KIF22: variants seen among roughly 807,000 people sequenced by gnomAD.
The protein encoded by KIF22 is kinesin-like protein KIF22.
In KIF22, 62 loss-of-function variants were observed where a neutral mutation model predicts 73.0. That is an observed-to-expected ratio of 0.85 (90% CI 0.69 to 1.05). KIF22 has a LOEUF of 1.05. Among genes scored for constraint, KIF22 ranks in the 50% least tolerant of loss-of-function variants. The pLI is 0.00. For missense variants in KIF22, 854 were observed against 870.1 expected (o/e 0.98, Z 0.23); for synonymous variants, 411 against 340.1 (o/e 1.21, Z -2.29).
At chr16:29,803,692 C>A in intron 10 of KIF22, 84 bp downstream of exon 10, 2 of 1,131,492 alleles carry the variant, frequency 1.8e-6, no homozygotes, top group South Asian at 1.4e-5. Flanking sequence ...GTCTCCATGT[C>A]ATTCATATTC....
chr16:29,804,117 A>AC, intron 11 of KIF22, 52 bp downstream of exon 11: 1 of 1,436,478 alleles, frequency 7.0e-7, no homozygotes, highest in Admixed American at 1.7e-5. Flanking sequence ...AGTAAGGGGG[A>AC]GTAGGCTCTA....
chr16:29,799,495 G>A lies in KIF22; in HGVS notation c.990+1G>A, dbSNP rs1445962253. 1 of 1,613,944 alleles carries A rather than the reference G, an allele frequency of 6.2e-7. No homozygotes were observed. The highest frequency in any genetic ancestry group is 8.5e-7 in the Non-Finnish European group (1 of 1,179,966). Reference sequence around the variant, plus strand: ...CAGCAAGCTCACTCGCCTATTGCAGGTCAGGCCCACCTGTCTCAGGGAAGA... The same window carrying A: ...CAGCAAGCTCACTCGCCTATTGCAGATCAGGCCCACCTGTCTCAGGGAAGA... On this transcript the variant is annotated splice_donor_variant, in intron 6 of 13. Coordinates refer to ENST00000160827, the MANE Select transcript of KIF22 (RefSeq NM_007317.3). LOFTEE classifies it high-confidence loss of function.
At position 29,798,286 on chromosome 16, in the gene KIF22, T is replaced by TGG; in HGVS notation, c.267-88_267-87insGG. 2 of 1,485,600 alleles carry TGG rather than the reference T, an allele frequency of 1.3e-6. No homozygotes were observed. The highest frequency in any genetic ancestry group is 1.8e-6 in the Non-Finnish European group (2 of 1,104,264). 92.0% of individuals were successfully genotyped at this position (1,485,600 alleles called of 1,614,324 possible). On this transcript the variant is annotated intron_variant, in intron 2 of 13. Coordinates refer to ENST00000160827, the MANE Select transcript of KIF22 (RefSeq NM_007317.3). This position sits in a 1 kb window ranked among gnomAD's most constrained non-coding sequence, Gnocchi z 4.1. ...AGGTCCAGATGAGAGTAGAATCCCT[T>TGG]ACCCACCCCCACCCCACTCCACCCC...
At position 29,793,310 on chromosome 16, in the gene KIF22, T is replaced by C. The variant is rs1035911066; in HGVS notation, c.70+2481T>C. Among the ~76,000 whole-genome samples, 4 of 152,182 alleles carry C rather than the reference T, an allele frequency of 2.6e-5. No homozygotes were observed. In the East Asian group the frequency reaches 7.7e-4, roughly 29 times the overall value. On this transcript the variant is annotated intron_variant, in intron 1 of 13. Coordinates refer to ENST00000160827, the MANE Select transcript of KIF22 (RefSeq NM_007317.3). Reference sequence around the variant, plus strand: ...CAAAAATTAGCTGGGCGTGGTGGCGTGCACCTGTAGTCCCAGCTATTCGGG... The same window carrying C: ...CAAAAATTAGCTGGGCGTGGTGGCGCGCACCTGTAGTCCCAGCTATTCGGG...
chr16:29,805,044 TGG>T lies in KIF22; in HGVS notation c.1890+22_1890+23del. 1 of 653,050 alleles carries T rather than the reference TGG, an allele frequency of 1.5e-6. No homozygotes were observed. Among genetic ancestry groups the T allele is most frequent in the Admixed American group, 1.9e-5 (1 of 51,660 alleles). The allele number at this position is 653,050 out of a possible 1,614,324, so 40.5% of individuals were successfully genotyped here. On this transcript the variant is annotated intron_variant, in intron 12 of 13. Transcript: ENST00000160827. ...TCAGCCAGGTAGCAGCCCACTGGAC[TGG>T]GGGAGGGCGGGGGCGGGGGAGACCG...
Position 29,798,423 on chromosome 16 carries a change from G to C in KIF22, c.316G>C (p.Gly106Arg). The change falls in exon 3 of 14, where the codon GGT becomes CGT. Residue 106 changes from glycine to arginine, a missense_variant. Transcript: ENST00000160827. This position sits in a 1 kb window ranked among gnomAD's most constrained non-coding sequence, Gnocchi z 4.1. ...GAGTACTCAGCAGGACATCTATGCAGGTTCAGTGCAGCCCATCCTAAGGCA... is the reference window on the plus strand; with the variant it reads ...GAGTACTCAGCAGGACATCTATGCACGTTCAGTGCAGCCCATCCTAAGGCA... ...ERSTQQDIYA[G>R]SVQPILRHLL... The C allele has an allele frequency of 6.2e-7, 1 of 1,613,860 alleles. No individual in the cohort carries two copies.
chr16:29,795,922 G>A (rs972773235), intron 1 of KIF22, among the ~76,000 whole-genome samples: 3 of 152,004 alleles, frequency 2.0e-5, no homozygotes, highest in Non-Finnish European at 4.4e-5. Flanking sequence ...TGCAGGGGTG[G>A]GTGGGTCTGT....
chr16:29,800,457 CAAAGT>C (rs1159882366), intron 8 of KIF22, among the ~76,000 whole-genome samples: 1 of 151,702 alleles, frequency 6.6e-6, no homozygotes, highest in African/African-American at 2.4e-5. Flanking sequence ...GACTCCGTCT[CAAAGT>C]AAATAAGTGA....
rs1899003858 is a variant in KIF22 at position 29,798,303 on chromosome 16, C to G, written c.267-71C>G. ...GAATCCCTTACCCACCCCCACCCCACTCCACCCCTTACACACACACACACA... is the reference window on the plus strand; with the variant it reads ...GAATCCCTTACCCACCCCCACCCCAGTCCACCCCTTACACACACACACACA... On this transcript the variant is annotated intron_variant, in intron 2 of 13. Coordinates refer to ENST00000160827, the MANE Select transcript of KIF22 (RefSeq NM_007317.3). This position sits in a 1 kb window ranked among gnomAD's most constrained non-coding sequence, Gnocchi z 4.1. The G allele has an allele frequency of 1.4e-6, 2 of 1,402,084 alleles. No individual in the cohort carries two copies. The highest frequency in any genetic ancestry group is 6.4e-5 in the East Asian group (2 of 31,042). 86.9% of individuals were successfully genotyped at this position (1,402,084 alleles called of 1,614,324 possible). A position where few individuals can be genotyped will look rare whatever the true frequency, so the allele number is the denominator to read the frequency against.
Position 29,805,136 on chromosome 16 carries a change from G to C in KIF22, c.1912G>C (p.Glu638Gln). The C allele has an allele frequency of 1.2e-6, 2 of 1,613,896 alleles. No individual in the cohort carries two copies. The highest frequency in any genetic ancestry group is 1.7e-6 in the Non-Finnish European group (2 of 1,180,018). The change falls in exon 13 of 14, where the codon GAG becomes CAG. Residue 638 changes from glutamate (E) to glutamine (Q), a missense_variant. Transcript: ENST00000160827. ...FSQVEDLERVEGITGKQMESF... is the reference protein window; with the variant it reads ...FSQVEDLERVQGITGKQMESF... ...CCAGGTGGAGGACCTGGAACGCGTG[G>C]AGGGCATAACGGGGAAACAGATGGA... is the stretch of plus-strand genomic sequence containing the variant.
At position 29,804,896 on chromosome 16, in the gene KIF22, A is replaced by T. The variant is rs749158788; in HGVS notation, c.1760A>T (p.His587Leu). The T allele has an allele frequency of 1.2e-6, 2 of 1,613,878 alleles. No homozygotes were observed. The highest frequency in any genetic ancestry group is 1.7e-5 in the Admixed American group (1 of 60,026). Residue 587 changes from histidine to leucine, a missense_variant, in exon 12 of 14, where the codon CAT becomes CTT. Physicochemically the swap from His to Leu is moderately conservative, Grantham distance 99 (BLOSUM62 -3). Transcript: ENST00000160827. ...CAGATCAGCCCGGAGCTACTGGCTCATGGGCGCCAAAAAATACTGGATCTG... is the reference window on the plus strand; with the variant it reads ...CAGATCAGCCCGGAGCTACTGGCTCTTGGGCGCCAAAAAATACTGGATCTG... ...ELQISPELLA[H>L]GRQKILDLLN... is the part of the protein sequence containing the mutation.
At chr16:29,800,271 C>T (rs1005408937) in intron 8 of KIF22, 2 of 426,852 alleles carry the variant, frequency 4.7e-6, no homozygotes, top group Non-Finnish European at 8.4e-6. Context: ...GCCTGGCCAA[C>T]ATGGTGAAAC....
chr16:29,799,586 G>A, intron 6 of KIF22, 42 bp from the exon 7 acceptor site: 1 of 1,613,198 alleles, frequency 6.2e-7, no homozygotes. Flanking sequence ...GGCATAGGAA[G>A]GCTGGGCTTC....
At chr16:29,800,203 C>A (rs765783895) in intron 8 of KIF22, 155 bp downstream of exon 8, 3 of 867,406 alleles carry the variant, frequency 3.5e-6, no homozygotes, top group Non-Finnish European at 5.1e-6. Flanking sequence ...TCCTGTAACC[C>A]CAGCACTTTG....
chr16:29,794,524 T>C (rs1420524838), intron 1 of KIF22, among the ~76,000 whole-genome samples: 1 of 152,192 alleles, frequency 6.6e-6, no homozygotes, highest in Non-Finnish European at 1.5e-5. Flanking sequence ...CCTTGAATGA[T>C]GAACCTACCT....
chr16:29,803,870 T>G, intron 10 of KIF22, 128 bp from the exon 11 acceptor site: 1 of 764,176 alleles, frequency 1.3e-6, no homozygotes, highest in Non-Finnish European at 2.3e-6. Context: ...AAAGGTCATG[T>G]GGAAACACAA....
rs1596860883 is a variant in KIF22, at chr16:29,805,180, G to A, written c.1950+6G>A. 1.2e-6 allele frequency: 2 copies of A among 1,614,152 alleles called. No homozygotes were observed. The highest frequency in any genetic ancestry group is 1.6e-4 in the Middle Eastern group (1 of 6,062). On this transcript the variant is annotated splice_donor_region_variant and intron_variant, in intron 13 of 13. Coordinates refer to ENST00000160827, the MANE Select transcript of KIF22 (RefSeq NM_007317.3). Reference sequence around the variant, plus strand: ...AGATGGAGTCCTTCCTGAAGGTGAAGTCACGGCCCTGCCCCTCCTCTGCCT... The same window carrying A: ...AGATGGAGTCCTTCCTGAAGGTGAAATCACGGCCCTGCCCCTCCTCTGCCT...
At chr16:29,802,417 G>T (rs1321649898) in intron 8 of KIF22, among the ~76,000 whole-genome samples, 2 of 152,090 alleles carry the variant, frequency 1.3e-5, no homozygotes, top group Non-Finnish European at 2.9e-5. Context: ...GCTAAAGATG[G>T]CATCCTCTGT....
chr16:29,803,109 C>T (rs982659152), intron 9 of KIF22, among the ~76,000 whole-genome samples, 172 bp downstream of exon 9: 1 of 152,010 alleles, frequency 6.6e-6, no homozygotes, highest in Non-Finnish European at 1.5e-5. Flanking sequence ...CTTTGACAGA[C>T]AATTGAGACC....
Sources: allele counts gnomAD v4.1 joint callset (sites outside exome capture counted in the v4.1 genomes callset), GRCh38; gene constraint gnomAD v4.1.1; non-coding constraint Gnocchi (gnomAD v3.1); transcripts MANE v1.5; gene names NCBI Gene and HGNC (gene_info 2026-07-23, HGNC 2026-07-21).